NALF1: variants seen among roughly 807,000 people sequenced by gnomAD.
The protein encoded by NALF1 is family with sequence similarity 155 member A.
In NALF1, 3 loss-of-function variants were observed where a neutral mutation model predicts 48.4. The observed-to-expected ratio is 0.06, with a 90% CI of 0.03 to 0.16. The LOEUF is 0.16. NALF1 is among the 10% of genes least tolerant of loss of function. The pLI is 1.00. For synonymous variants in NALF1, 262 were observed against 245.7 expected (o/e 1.07, Z -0.62); for missense variants, 526 against 571.5 (o/e 0.92, Z 0.81).
intron 1 of NALF1, among the ~76,000 whole-genome samples, chr13:107,584,724 T>C (rs1408913509): frequency 6.6e-6 from 1 of 152,234 alleles, no homozygotes; most frequent in Admixed American, 6.5e-5. Context: ...TAGATCTCAC[T>C]ATCATTTCCG....
intron 1 of NALF1, among the ~76,000 whole-genome samples, chr13:107,268,220 C>A (rs1042927699): frequency 3.9e-5 from 6 of 152,006 alleles, no homozygotes; most frequent in Non-Finnish European, 7.4e-5. Flanking sequence ...AATCTCTTGA[C>A]CTCATGTTCT....
chr13:107,583,226 TATAATTTATAAA>T (rs1878362847), intron 1 of NALF1, among the ~76,000 whole-genome samples: 1 of 151,998 alleles, frequency 6.6e-6, no homozygotes, highest in Non-Finnish European at 1.5e-5. Flanking sequence ...TATATAAATA[TATAATTTATAAA>T]TTTTAAGATT....
intron 1 of NALF1, among the ~76,000 whole-genome samples, chr13:107,793,106 A>G (rs1055571915): frequency 7.2e-5 from 11 of 152,176 alleles, no homozygotes; most frequent in South Asian, 2.1e-4. Flanking sequence ...GTTTTTGGTA[A>G]TAACTTATAT....
intron 1 of NALF1, among the ~76,000 whole-genome samples, chr13:107,517,426 C>T (rs1181764471): frequency 6.6e-6 from 1 of 150,670 alleles, no homozygotes; most frequent in African/African-American, 2.4e-5. Flanking sequence ...ATCAGGAGAT[C>T]GAGACCATCC....
intron 1 of NALF1, among the ~76,000 whole-genome samples, chr13:107,617,475 T>C (rs1879410448): frequency 2.0e-5 from 3 of 152,210 alleles, no homozygotes; most frequent in Admixed American, 6.5e-5. Flanking sequence ...TTAAAGAAGC[T>C]TATTGAAGAT....
chr13:107,316,530 C>T (rs558379476), intron 1 of NALF1, among the ~76,000 whole-genome samples: 23 of 152,264 alleles, frequency 1.5e-4, no homozygotes, highest in Non-Finnish European at 3.4e-4. Flanking sequence ...TAAAAGTGTT[C>T]CTATTTCTCC....
At chr13:107,505,821 T>G (rs1875680241) in intron 1 of NALF1, among the ~76,000 whole-genome samples, 1 of 152,216 alleles carries the variant, frequency 6.6e-6, no homozygotes, top group African/African-American at 2.4e-5. Flanking sequence ...TCCATATTAT[T>G]GTGAGAATTA....
rs188403142 is a variant in NALF1, at chr13:107,240,815, T to C, written c.916-30060A>G. On this transcript the variant is annotated intron_variant, in intron 1 of 2. Coordinates refer to ENST00000375915, the MANE Select transcript of NALF1 (RefSeq NM_001080396.3). ...CAAACTAAAGATATTTCACCTTTTT[T>C]TTTTAAGACTGAATTCAAGTGGAAT... Among the ~76,000 whole-genome samples, 565 of 152,210 alleles carry C rather than the reference T, an allele frequency of 3.7e-3. 2 individuals carry two copies. Among genetic ancestry groups the C allele is most frequent in the Non-Finnish European group, 5.2e-3 (353 of 67,996 alleles).
chr13:107,217,578 A>C (rs1879899881), intron 1 of NALF1, among the ~76,000 whole-genome samples: 1 of 150,422 alleles, frequency 6.6e-6, no homozygotes. Flanking sequence ...TCCCTCTCTC[A>C]CTCTGTTTCA....
Position 107,746,895 on chromosome 13 carries a change from C to A in NALF1, c.915+118787G>T, listed in dbSNP as rs78810887. Among the ~76,000 whole-genome samples the A allele has an allele frequency of 5.1e-3, 769 of 152,120 alleles. 6 individuals carry two copies. The highest frequency in any genetic ancestry group is 0.017 in the African/African-American group (700 of 41,488). On this transcript the variant is annotated intron_variant, in intron 1 of 2. Coordinates refer to ENST00000375915, the MANE Select transcript of NALF1 (RefSeq NM_001080396.3). ...CTCACTTCATATACAAAAATGTACT[C>A]GAAATGGAATAGAGACGTAAATGTA...
intron 1 of NALF1, among the ~76,000 whole-genome samples, chr13:107,614,930 C>T (rs1159790529): frequency 6.6e-6 from 1 of 152,022 alleles, no homozygotes; most frequent in Non-Finnish European, 1.5e-5. Flanking sequence ...GCACCCACCA[C>T]CACATCTGGC....
intron 1 of NALF1, among the ~76,000 whole-genome samples, chr13:107,317,526 T>A (rs1005987450): frequency 3.3e-5 from 5 of 151,978 alleles, no homozygotes; most frequent in African/African-American, 1.2e-4. Context: ...AACCAATCTA[T>A]CCCCAAATTC....
chr13:107,627,519 G>A (rs1277968300), intron 1 of NALF1, among the ~76,000 whole-genome samples: 5 of 152,244 alleles, frequency 3.3e-5, no homozygotes, highest in African/African-American at 9.6e-5. Context: ...AACCCCTTCT[G>A]TACCTGTATT....
intron 1 of NALF1, among the ~76,000 whole-genome samples, chr13:107,608,180 T>C (rs562436051): frequency 6.6e-6 from 1 of 152,258 alleles, no homozygotes; most frequent in Non-Finnish European, 1.5e-5. Context: ...ATTAGGTCAT[T>C]AGAGGTAAAA....
intron 1 of NALF1, among the ~76,000 whole-genome samples, chr13:107,664,745 C>T (rs573786560): frequency 6.6e-6 from 1 of 152,240 alleles, no homozygotes; most frequent in African/African-American, 2.4e-5. Context: ...TCTTTTTCTA[C>T]ATTGTATTCT....
At chr13:107,445,488 C>T (rs1884634728) in intron 1 of NALF1, among the ~76,000 whole-genome samples, 1 of 152,126 alleles carries the variant, frequency 6.6e-6, no homozygotes, top group African/African-American at 2.4e-5. Context: ...TGGGTTGTTC[C>T]AGTTTTGGGC....
intron 1 of NALF1, among the ~76,000 whole-genome samples, chr13:107,266,193 T>C (rs2138858460): frequency 6.6e-6 from 1 of 152,354 alleles, no homozygotes; most frequent in Middle Eastern, 3.4e-3. Flanking sequence ...AGCTTCCTTC[T>C]ATCACACTGA....
chr13:107,756,450 T>TATATATATATATATATATAC (rs1315578092), intron 1 of NALF1, among the ~76,000 whole-genome samples: 1 of 150,732 alleles, frequency 6.6e-6, no homozygotes, highest in African/African-American at 2.4e-5. Flanking sequence ...TATATATATA[T>TATATATATATATATATATAC]ATATAAAGCA....
At chr13:107,817,720 A>G (rs1879209240) in intron 1 of NALF1, among the ~76,000 whole-genome samples, 1 of 152,078 alleles carries the variant, frequency 6.6e-6, no homozygotes, top group Non-Finnish European at 1.5e-5. Context: ...GATTTATTTC[A>G]CCCTTTTCAC....
Sources: gnomAD v4.1 joint callset for allele counts (sites outside exome capture counted in the v4.1 genomes callset) on GRCh38, gnomAD v4.1.1 for gene constraint, MANE v1.5 for transcripts, NCBI Gene and HGNC (gene_info 2026-07-23, HGNC 2026-07-21) for gene names.